Variants in PID1 observed in about 807,000 individuals in gnomAD.
PID1 encodes the protein PTB-containing, cubilin and LRP1-interacting protein.
A neutral mutation model predicts 19.1 loss-of-function variants in PID1; 10 were observed. The ratio of observed to expected loss-of-function variants is 0.52; its 90% CI spans 0.32 to 0.89. PID1 has a LOEUF of 0.89. Among genes scored for constraint, PID1 ranks in the 40% least tolerant of loss-of-function variants. PID1 has a pLI of 0.03. For missense variants in PID1, 248 were observed against 285.3 expected, an observed-to-expected ratio of 0.87 and a Z score of 0.94; for synonymous variants, 130 against 116.0, an observed-to-expected ratio of 1.12 and a Z score of -0.78.
At chr2:229,229,827 A>G (rs1256423840) in intron 1 of PID1, among the ~76,000 whole-genome samples, 4 of 152,192 alleles carry the variant, frequency 2.6e-5, no homozygotes, top group Admixed American at 2.6e-4. Context: ...ACAAAATTTC[A>G]AAAGTAAGAA....
intron 1 of PID1, among the ~76,000 whole-genome samples, chr2:229,225,692 A>T (rs1692063749): frequency 1.3e-5 from 2 of 152,164 alleles, no homozygotes; most frequent in South Asian, 4.1e-4. Context: ...ATTGACTCAC[A>T]GTTTAGCATG....
chr2:229,182,505 A>C (rs1240866457), intron 1 of PID1, among the ~76,000 whole-genome samples: 2 of 152,160 alleles, frequency 1.3e-5, no homozygotes, highest in Non-Finnish European at 2.9e-5. Flanking sequence ...CCACAGCTCC[A>C]TTTTAAGCAT....
At chr2:229,039,723 C>G (rs1036979417) in intron 2 of PID1, among the ~76,000 whole-genome samples, 2 of 152,068 alleles carry the variant, frequency 1.3e-5, no homozygotes, top group Non-Finnish European at 2.9e-5. Context: ...ACCGGACATA[C>G]TAATGAAAAG....
At chr2:229,151,949 G>T (rs1041980226) in intron 2 of PID1, among the ~76,000 whole-genome samples, 4 of 152,164 alleles carry the variant, frequency 2.6e-5, no homozygotes, top group Non-Finnish European at 4.4e-5. Flanking sequence ...GGCCCTGCAA[G>T]TCTCAATGAA....
At chr2:229,252,727 C>T (rs1219358570) in intron 1 of PID1, among the ~76,000 whole-genome samples, 1 of 152,300 alleles carries the variant, frequency 6.6e-6, no homozygotes, top group East Asian at 1.9e-4. Flanking sequence ...ATTGGCTGTA[C>T]TCTATACCTG....
chr2:229,225,094 A>C (rs1692050233), intron 1 of PID1, among the ~76,000 whole-genome samples: 1 of 152,136 alleles, frequency 6.6e-6, no homozygotes, highest in Admixed American at 6.6e-5. Context: ...ATAAATCTCC[A>C]CATCCTTCTC....
At chr2:229,171,756 C>CA (rs985687130) in intron 1 of PID1, among the ~76,000 whole-genome samples, 9 of 152,092 alleles carry the variant, frequency 5.9e-5, no homozygotes, top group African/African-American at 2.2e-4. Context: ...AATTTAAAAA[C>CA]AATGTCTTCA....
At chr2:229,175,395 T>C (rs529818826) in intron 1 of PID1, among the ~76,000 whole-genome samples, 1 of 152,336 alleles carries the variant, frequency 6.6e-6, no homozygotes, top group South Asian at 2.1e-4. Flanking sequence ...GATTCATTAA[T>C]TAAAGTCACA....
chr2:229,171,294 G>A (rs1321335869), intron 1 of PID1, among the ~76,000 whole-genome samples: 1 of 152,182 alleles, frequency 6.6e-6, no homozygotes, highest in Non-Finnish European at 1.5e-5. Flanking sequence ...GGCTTCAAGT[G>A]GTCAGGAAGG....
intron 2 of PID1, among the ~76,000 whole-genome samples, chr2:229,108,535 G>T (rs1017830126): frequency 2.0e-5 from 3 of 152,234 alleles, no homozygotes; most frequent in Admixed American, 1.3e-4. Flanking sequence ...GGGAGGATCA[G>T]AGAGCAATTC....
Position 229,024,022 on chromosome 2 carries a change from G to A in PID1, c.*1610C>T, listed in dbSNP as rs1417732414. On this transcript the variant is annotated 3_prime_UTR_variant, in exon 3 of 3. Coordinates refer to ENST00000392055, the MANE Select transcript of PID1 (RefSeq NM_001100818.2). ...TGCAAACATATTTTTATTAAAGAAT[G>A]AATGCATTTATGCTAAAGAATAGCT... 1 of 152,586 alleles carries A rather than the reference G, an allele frequency of 6.6e-6. No homozygotes were observed. The highest frequency in any genetic ancestry group is 2.4e-5 in the African/African-American group (1 of 41,436). 9.5% of individuals were successfully genotyped at this position (152,586 alleles called of 1,614,324 possible).
chr2:229,263,859 T>C (rs900953054), intron 1 of PID1, among the ~76,000 whole-genome samples: 1 of 152,134 alleles, frequency 6.6e-6, no homozygotes, highest in Non-Finnish European at 1.5e-5. Context: ...CCAAAGGCTG[T>C]TGGGAGGACA....
intron 2 of PID1, among the ~76,000 whole-genome samples, chr2:229,043,693 A>G (rs1693818441): frequency 6.6e-6 from 1 of 152,240 alleles, no homozygotes; most frequent in Non-Finnish European, 1.5e-5. Context: ...TTCTTATTTT[A>G]GGACACAGCA....
At chr2:229,239,219 C>G (rs1486804271) in intron 1 of PID1, among the ~76,000 whole-genome samples, 3 of 152,052 alleles carry the variant, frequency 2.0e-5, no homozygotes, top group Non-Finnish European at 2.9e-5. Flanking sequence ...GCGGGAGGGG[C>G]CAAGAATTTG....
At chr2:229,240,852 T>A (rs1299157475) in intron 1 of PID1, among the ~76,000 whole-genome samples, 1 of 152,164 alleles carries the variant, frequency 6.6e-6, no homozygotes, top group Non-Finnish European at 1.5e-5. Flanking sequence ...CACATGTATC[T>A]TATATTGCTT....
chr2:229,163,650 A>AGTGTGTGTGTGT (rs796992081), intron 1 of PID1, among the ~76,000 whole-genome samples: 2 of 140,972 alleles, frequency 1.4e-5, no homozygotes, highest in African/African-American at 5.1e-5. Flanking sequence ...AGAGAGAGAG[A>AGTGTGTGTGTGT]GTGTGTGTGT....
rs545768019 is a variant in PID1 at position 229,196,654 on chromosome 2, A to T, written c.31-40690T>A. On this transcript the variant is annotated intron_variant, in intron 1 of 2. Coordinates refer to ENST00000392055, the MANE Select transcript of PID1 (RefSeq NM_001100818.2). The stretch of plus-strand genomic sequence containing the variant: ...TCATATCGCTTATGAAACTGCCTGC[A>T]GGGAATGCAGGGCAGACTTTGTGGT... Among the ~76,000 whole-genome samples, 10 of 152,220 alleles carry T rather than the reference A, an allele frequency of 6.6e-5. No homozygotes were observed. The South Asian group carries it at 2.1e-3, about 32-fold the overall frequency.
intron 2 of PID1, among the ~76,000 whole-genome samples, chr2:229,149,478 G>C (rs1304044668): frequency 2.0e-5 from 3 of 152,076 alleles, no homozygotes; most frequent in Non-Finnish European, 4.4e-5. Flanking sequence ...AGCACCCCCT[G>C]ATAGTATTTA....
At chr2:229,061,035 C>A (rs1694202628) in intron 2 of PID1, among the ~76,000 whole-genome samples, 1 of 151,974 alleles carries the variant, frequency 6.6e-6, no homozygotes, top group Non-Finnish European at 1.5e-5. Flanking sequence ...AAATGGTTTG[C>A]AAATATTTTC....
Sources: allele counts gnomAD v4.1 joint callset (sites outside exome capture counted in the v4.1 genomes callset), GRCh38; gene constraint gnomAD v4.1.1; transcripts MANE v1.5; gene names NCBI Gene and HGNC (gene_info 2026-07-23, HGNC 2026-07-21).